Variants in CDH9 observed in about 807,000 individuals in gnomAD.
CDH9 encodes the protein cadherin 9.
In CDH9, 28 loss-of-function variants were observed where a neutral mutation model predicts 70.9. That is an observed-to-expected ratio of 0.40 (90% CI 0.29 to 0.54). CDH9 has a LOEUF of 0.54. Ranked by LOEUF, CDH9 falls within the 20% of genes least tolerant of loss-of-function variation. CDH9 has a pLI of 0.59. For missense variants in CDH9, 874 were observed against 984.4 expected (o/e 0.89, Z 1.50); for synonymous variants, 409 against 343.1 (o/e 1.19, Z -2.12).
At chr5:26,976,853 TA>T (rs1013884654) in intron 2 of CDH9, among the ~76,000 whole-genome samples, 1 of 152,018 alleles carries the variant, frequency 6.6e-6, no homozygotes, top group Admixed American at 6.6e-5. Context: ...ATGTTTTTCT[TA>T]TCAATTTATA....
rs1460647235 is a variant in CDH9 at position 26,902,740 on chromosome 5, A to G, written c.1000-11T>C. The stretch of plus-strand genomic sequence containing the variant: ...TTCAAAATCTAAATTCTGGAGTTAA[A>G]TAACATAAAAGAAATTAGCATAATT... On this transcript the variant is annotated splice_polypyrimidine_tract_variant and intron_variant, in intron 6 of 11. Coordinates refer to ENST00000231021, the MANE Select transcript of CDH9 (RefSeq NM_016279.4). 2.0e-6 allele frequency: 3 copies of G among 1,476,092 alleles called. No homozygotes were observed. The highest frequency in any genetic ancestry group is 2.8e-6 in the Non-Finnish European group (3 of 1,060,400). The allele number at this position is 1,476,092 out of a possible 1,614,324, so 91.4% of individuals were successfully genotyped here.
intron 2 of CDH9, among the ~76,000 whole-genome samples, chr5:26,932,808 CTGAT>C (rs1741485163): frequency 6.6e-6 from 1 of 151,500 alleles, no homozygotes; most frequent in African/African-American, 2.4e-5. Context: ...ATTAATGTCC[CTGAT>C]TGTTTGTCTT....
chr5:26,982,802 C>T (rs1044728474), intron 2 of CDH9, among the ~76,000 whole-genome samples: 1 of 151,952 alleles, frequency 6.6e-6, no homozygotes, highest in African/African-American at 2.4e-5. Context: ...CCTGCCTCAG[C>T]CTCCCGAGTA....
chr5:26,926,208 T>C (rs148239877), intron 2 of CDH9, among the ~76,000 whole-genome samples: 14,636 of 152,000 alleles, frequency 0.096, 877 homozygotes, highest in East Asian at 0.19. Context: ...GTCTCAGCCC[T>C]AAATCTCCTT....
intron 2 of CDH9, among the ~76,000 whole-genome samples, chr5:26,954,454 G>A (rs1392099019): frequency 1.5e-5 from 2 of 136,368 alleles, no homozygotes; most frequent in Non-Finnish European, 3.1e-5. Context: ...GCGCCATCTC[G>A]GCTCACTGCA....
chr5:26,951,101 G>A (rs1741836007), intron 2 of CDH9, among the ~76,000 whole-genome samples: 1 of 151,906 alleles, frequency 6.6e-6, no homozygotes, highest in Non-Finnish European at 1.5e-5. Context: ...AGGCAAGCCT[G>A]ACCAACATGG....
At chr5:27,027,679 C>T (rs1482232157) in intron 1 of CDH9, among the ~76,000 whole-genome samples, 6 of 151,942 alleles carry the variant, frequency 3.9e-5, no homozygotes, top group Non-Finnish European at 5.9e-5. Context: ...AAAAATATTG[C>T]CTACTAAACT....
intron 1 of CDH9, among the ~76,000 whole-genome samples, chr5:27,025,293 A>G (rs3811935): frequency 0.47 from 71,473 of 151,888 alleles, 17,665 homozygotes; most frequent in African/African-American, 0.51. Flanking sequence ...ATTCTGCTAA[A>G]AGCTTAAAGT....
intron 2 of CDH9, among the ~76,000 whole-genome samples, chr5:26,933,218 A>C (rs78206145): frequency 0.096 from 14,373 of 149,866 alleles, 871 homozygotes; most frequent in East Asian, 0.17. Context: ...AAATAATATA[A>C]AATTCATGGT....
At chr5:26,894,984 C>T (rs1740724968) in intron 7 of CDH9, among the ~76,000 whole-genome samples, 1 of 151,978 alleles carries the variant, frequency 6.6e-6, no homozygotes. Context: ...TATGTTCTAC[C>T]ATTAAAAGTC....
chr5:26,885,858 T>C lies in CDH9; in HGVS notation c.1638A>G (p.Thr546=). 2 of 1,613,784 alleles carry C rather than the reference T, an allele frequency of 1.2e-6. No homozygotes were observed. Among genetic ancestry groups the C allele is most frequent in the Non-Finnish European group, 1.7e-6 (2 of 1,179,776 alleles). ...NFTIVDNKDN[T]AGIMTRKDGY... is the part of the protein sequence containing the mutation. ...CATCTTTCCGAGTCATGATTCCTGC[T>C]GTATTATCTGGGGGAGAAAACATGT... Residue 546 remains threonine (T), a synonymous_variant, in exon 11 of 12, where the codon ACA becomes ACG. Coordinates refer to ENST00000231021, the MANE Select transcript of CDH9 (RefSeq NM_016279.4).
intron 1 of CDH9, among the ~76,000 whole-genome samples, chr5:27,016,776 G>A (rs903137883): frequency 2.6e-5 from 4 of 151,734 alleles, no homozygotes; most frequent in Non-Finnish European, 4.4e-5. Flanking sequence ...GTGAGATTGA[G>A]AGAAAAAATA....
intron 1 of CDH9, among the ~76,000 whole-genome samples, chr5:27,024,044 T>C (rs946971131): frequency 1.3e-5 from 2 of 151,860 alleles, no homozygotes; most frequent in Non-Finnish European, 2.9e-5. Context: ...AAAGCTAGAC[T>C]CTGTCTCAAA....
chr5:27,015,354 A>G (rs182578081), intron 1 of CDH9, among the ~76,000 whole-genome samples: 1 of 151,928 alleles, frequency 6.6e-6, no homozygotes, highest in Admixed American at 6.6e-5. Flanking sequence ...AAATGCATCA[A>G]TGCTAATTTC....
chr5:27,012,747 C>T (rs987259209), intron 1 of CDH9, among the ~76,000 whole-genome samples: 5 of 151,976 alleles, frequency 3.3e-5, no homozygotes, highest in East Asian at 1.9e-4. Flanking sequence ...AAAATATTTT[C>T]GTGTAAAAAC....
intron 1 of CDH9, among the ~76,000 whole-genome samples, chr5:27,019,859 C>A (rs925086292): frequency 1.3e-5 from 2 of 151,764 alleles, no homozygotes; most frequent in African/African-American, 4.8e-5. Flanking sequence ...ATGCAAAATT[C>A]TTAATATTCG....
At chr5:27,017,307 T>C (rs537475173) in intron 1 of CDH9, among the ~76,000 whole-genome samples, 10 of 152,034 alleles carry the variant, frequency 6.6e-5, no homozygotes, top group South Asian at 6.2e-4. Context: ...AAAAATATTA[T>C]TGTTTTTCCT....
chr5:26,881,754 TACAA>T, intron 11 of CDH9, 131 bp from the exon 12 acceptor site: 6 of 773,868 alleles, frequency 7.8e-6, no homozygotes, highest in Non-Finnish European at 1.0e-5. Flanking sequence ...AACTACCCTG[TACAA>T]ATACAGAGTT....
chr5:26,985,869 A>G (rs1742479620), intron 2 of CDH9, among the ~76,000 whole-genome samples: 1 of 152,126 alleles, frequency 6.6e-6, no homozygotes, highest in South Asian at 2.1e-4. Flanking sequence ...CATATGTTTG[A>G]CTAAGTTTAG....
Sources: gnomAD v4.1 joint callset for allele counts (sites outside exome capture counted in the v4.1 genomes callset) on GRCh38, gnomAD v4.1.1 for gene constraint, MANE v1.5 for transcripts, NCBI Gene and HGNC (gene_info 2026-07-23, HGNC 2026-07-21) for gene names.